Variants in TUNAR observed in about 807,000 individuals in gnomAD.
TUNAR encodes the protein protein TUNAR.
intron 2 of TUNAR, among the ~76,000 whole-genome samples, chr14:95,888,354 T>C (rs1889111293): frequency 6.6e-6 from 1 of 152,220 alleles, no homozygotes; most frequent in African/African-American, 2.4e-5. Flanking sequence ...ATGAAAATAC[T>C]AAGCCTTCGA....
chr14:95,889,948 G>A (rs1889145849), intron 2 of TUNAR, among the ~76,000 whole-genome samples: 1 of 136,320 alleles, frequency 7.3e-6, no homozygotes, highest in African/African-American at 2.9e-5. Context: ...GAATTTAGAG[G>A]GACACAAAGA....
chr14:95,901,309 G>A (rs1329526289), intron 2 of TUNAR, among the ~76,000 whole-genome samples: 1 of 152,222 alleles, frequency 6.6e-6, no homozygotes, highest in African/African-American at 2.4e-5. Flanking sequence ...AAGGGAATGA[G>A]GATTCAATGA....
At chr14:95,897,914 G>T (rs914705862) in intron 2 of TUNAR, among the ~76,000 whole-genome samples, 6 of 151,812 alleles carry the variant, frequency 4.0e-5, no homozygotes, top group African/African-American at 1.5e-4. Flanking sequence ...CATACCGCCT[G>T]TTCCATTGAG....
At chr14:95,918,944 T>C (rs1045193503) in intron 2 of TUNAR, among the ~76,000 whole-genome samples, 9 of 152,184 alleles carry the variant, frequency 5.9e-5, no homozygotes, top group African/African-American at 2.2e-4. Context: ...CTTAAGTGCC[T>C]GCTCCATGCC....
At chr14:95,891,242 G>T (rs527744654) in intron 2 of TUNAR, among the ~76,000 whole-genome samples, 1 of 152,306 alleles carries the variant, frequency 6.6e-6, no homozygotes, top group African/African-American at 2.4e-5. Context: ...CCACCTGCTC[G>T]GGGGTTTTCC....
intron 2 of TUNAR, among the ~76,000 whole-genome samples, chr14:95,891,533 C>G (rs1889180504): frequency 6.6e-6 from 1 of 152,220 alleles, no homozygotes; most frequent in East Asian, 1.9e-4. Flanking sequence ...CTCAGACACC[C>G]TCAGGAGCCT....
In TUNAR at chr14:95,883,500, T is replaced by C. The variant is rs1889015343; in HGVS notation, c.12+6323T>C. Among the ~76,000 whole-genome samples the C allele has an allele frequency of 2.6e-5, 4 of 152,238 alleles. No individual in the cohort carries two copies. The South Asian group carries it at 8.3e-4, about 31-fold the overall frequency. On this transcript the variant is annotated intron_variant, in intron 2 of 2. Transcript: ENST00000678517. Reference sequence around the variant, plus strand: ...CTCTGGTCCAGGCACTGCTAGGCATTGAGGCTGCAGTGGTGGACACAGACA... The same window carrying C: ...CTCTGGTCCAGGCACTGCTAGGCATCGAGGCTGCAGTGGTGGACACAGACA...
chr14:95,915,269 T>G (rs1223804087), intron 2 of TUNAR, among the ~76,000 whole-genome samples: 1 of 152,192 alleles, frequency 6.6e-6, no homozygotes, highest in Non-Finnish European at 1.5e-5. Flanking sequence ...CACTGTTTTT[T>G]GCAGGGATAT....
chr14:95,912,576 G>T (rs1245189851), intron 2 of TUNAR, among the ~76,000 whole-genome samples: 5 of 152,078 alleles, frequency 3.3e-5, no homozygotes, highest in Non-Finnish European at 5.9e-5. Context: ...TTTTCCCCCT[G>T]AAATTTCAAG....
chr14:95,891,306 G>T (rs756072131), intron 2 of TUNAR, among the ~76,000 whole-genome samples: 2 of 152,216 alleles, frequency 1.3e-5, no homozygotes, highest in Non-Finnish European at 2.9e-5. Flanking sequence ...GAAGACACAG[G>T]CTGCCAGCGG....
chr14:95,917,530 T>C (rs1192010789), intron 2 of TUNAR, among the ~76,000 whole-genome samples: 1 of 152,190 alleles, frequency 6.6e-6, no homozygotes, highest in Non-Finnish European at 1.5e-5. Context: ...AAAAACCCCA[T>C]AGACATTTTG....
intron 2 of TUNAR, among the ~76,000 whole-genome samples, chr14:95,897,997 C>T (rs895078500): frequency 2.0e-5 from 3 of 152,136 alleles, no homozygotes; most frequent in Non-Finnish European, 4.4e-5. Flanking sequence ...GCTCTCCCCT[C>T]CTCTACCCAG....
At chr14:95,886,701 C>G (rs1279676928) in intron 2 of TUNAR, among the ~76,000 whole-genome samples, 1 of 152,152 alleles carries the variant, frequency 6.6e-6, no homozygotes, top group Non-Finnish European at 1.5e-5. Context: ...AAATTGAGGC[C>G]AAGAGAAGAG....
intron 2 of TUNAR, among the ~76,000 whole-genome samples, chr14:95,909,370 T>C (rs1889476471): frequency 7.0e-6 from 1 of 142,222 alleles, no homozygotes; most frequent in Non-Finnish European, 1.5e-5. Flanking sequence ...TACAACCTCC[T>C]CCTCCCGGGT....
intron 2 of TUNAR, among the ~76,000 whole-genome samples, chr14:95,888,476 AGACTGT>A (rs1889113674): frequency 6.6e-6 from 1 of 152,158 alleles, no homozygotes; most frequent in Non-Finnish European, 1.5e-5. Context: ...GGTTGCAGTC[AGACTGT>A]GACTGGGGCT....
chr14:95,916,117 A>C (rs959095417), intron 2 of TUNAR, among the ~76,000 whole-genome samples: 2 of 152,236 alleles, frequency 1.3e-5, no homozygotes, highest in Non-Finnish European at 2.9e-5. Flanking sequence ...TAAGTATGGA[A>C]TAGATATGAG....
At chr14:95,910,220 C>T (rs1437368252) in intron 2 of TUNAR, among the ~76,000 whole-genome samples, 1 of 152,122 alleles carries the variant, frequency 6.6e-6, no homozygotes, top group Non-Finnish European at 1.5e-5. Context: ...CGCTGTGTCT[C>T]TAGAATAGGG....
intron 2 of TUNAR, among the ~76,000 whole-genome samples, chr14:95,888,320 A>G (rs976854475): frequency 3.9e-5 from 6 of 152,230 alleles, no homozygotes; most frequent in Non-Finnish European, 7.3e-5. Context: ...TAAAGGAGTT[A>G]ATTTTATTAT....
rs58500125 is a variant in TUNAR at position 95,913,142 on chromosome 14, C to CTTT, written c.13-9626_13-9624dup. Among the ~76,000 whole-genome samples, 433 of 136,448 alleles carry CTTT rather than the reference C, an allele frequency of 3.2e-3. 4 individuals are homozygous for CTTT. Among genetic ancestry groups the CTTT allele is most frequent in the African/African-American group, 0.012 (416 of 34,832 alleles). The allele number at this position is 136,448 out of a possible 152,430, so 89.5% of individuals were successfully genotyped here. A position where few individuals can be genotyped will look rare whatever the true frequency, so the allele number is the denominator to read the frequency against. Reference sequence around the variant, plus strand: ...GTCTTTGTCACCATCATTTTCTTTCCTTTTTTTTTTTTTTTAAATTCTACT... The same window carrying CTTT: ...GTCTTTGTCACCATCATTTTCTTTCCTTTTTTTTTTTTTTTTTTAAATTCTACT... On this transcript the variant is annotated intron_variant, in intron 2 of 2. Transcript: ENST00000678517.
Sources: allele counts gnomAD v4.1 joint callset (sites outside exome capture counted in the v4.1 genomes callset), GRCh38; gene constraint gnomAD v4.1.1; transcripts MANE v1.5; gene names NCBI Gene and HGNC (gene_info 2026-07-23, HGNC 2026-07-21).